The following BRAT1 variants were observed in gnomAD, a reference collection of about 807,000 sequenced individuals.
The protein encoded by BRAT1 is BRCA1 associated ATM activator 1.
Under a neutral mutation model 70.6 loss-of-function variants are expected in BRAT1, and 74 were observed. The ratio of observed to expected loss-of-function variants is 1.05; its 90% CI spans 0.87 to 1.27. BRAT1 has a LOEUF of 1.27. Among genes scored for constraint, BRAT1 ranks in the 50% most tolerant of loss-of-function variants. The probability of loss-of-function intolerance (pLI) is 0.00; values close to 1 mark genes in which losing one functional copy is unlikely to be tolerated. For missense variants in BRAT1, 1,203 were observed against 1,098.2 expected (o/e 1.10, Z -1.35); for synonymous variants, 615 against 517.1 (o/e 1.19, Z -2.57).
intron 2 of BRAT1, among the ~76,000 whole-genome samples, chr7:2,552,669 A>G (rs1049238188): frequency 1.3e-5 from 2 of 152,160 alleles, no homozygotes; most frequent in Non-Finnish European, 2.9e-5. Context: ...GTCTATCCCA[A>G]TGCAATTATC....
At chr7:2,548,005 A>C (rs61349813) in intron 2 of BRAT1, among the ~76,000 whole-genome samples, 23,409 of 150,248 alleles carry the variant, frequency 0.16, 1,981 homozygotes, top group African/African-American at 0.22. Flanking sequence ...AATCGCTTGA[A>C]CCTGGGAGGC....
chr7:2,538,426 G>A lies in BRAT1; in HGVS notation c.2109C>T (p.Phe703=), dbSNP rs745775567. The A allele has an allele frequency of 9.9e-6, 16 of 1,613,406 alleles. No homozygotes were observed. Among genetic ancestry groups the A allele is most frequent in the Admixed American group, 1.7e-5 (1 of 60,032 alleles). The change falls in exon 14 of 14, where the codon TTC becomes TTT. Residue 703 remains phenylalanine, a synonymous_variant. Transcript: ENST00000340611. ...RALCHVGLFD[F]AFCALFDCDR... is the part of the protein sequence containing the mutation. Reference sequence around the variant, plus strand: ...CGCAGTCAAACAAGGCACAAAAGGCGAAGTCAAAGAGCCCCACGTGGCAGA... The same window carrying A: ...CGCAGTCAAACAAGGCACAAAAGGCAAAGTCAAAGAGCCCCACGTGGCAGA...
intron 2 of BRAT1, among the ~76,000 whole-genome samples, chr7:2,551,798 C>T (rs751264755): frequency 1.3e-5 from 2 of 151,308 alleles, no homozygotes. Flanking sequence ...TGAGAAAACT[C>T]GCCTGGGTCC....
chr7:2,539,032 C>CA, intron 13 of BRAT1, 147 bp downstream of exon 13: 1 of 1,443,034 alleles, frequency 6.9e-7, no homozygotes. Context: ...AGCACAGCCC[C>CA]AGGGCCTCGG....
rs147978414 is a variant in BRAT1 at position 2,541,322 on chromosome 7, G to C, written c.1297C>G (p.Leu433Val). 118 of 1,597,858 alleles carry C rather than the reference G, an allele frequency of 7.4e-5. No homozygotes were observed. The highest frequency in any genetic ancestry group is 9.3e-5 in the Non-Finnish European group (109 of 1,176,004). Reference protein sequence around the residue: ...VRVQRAALDFLGTLSQGTGPQ... With the variant: ...VRVQRAALDFVGTLSQGTGPQ... ...CCTGTCCCCTGTGACAGCGTCCCCA[G>C]GAAGTCGAGGGCTGCTCGCTGGACC... is the stretch of plus-strand genomic sequence containing the variant. The change falls in exon 9 of 14, where the codon CTG (leucine) becomes GTG (valine). Residue 433 changes from leucine to valine, a missense_variant. Physicochemically the swap from Leu to Val is conservative, Grantham distance 32. Coordinates refer to ENST00000340611, the MANE Select transcript of BRAT1 (RefSeq NM_152743.4).
chr7:2,545,499 T>C (rs199875927), intron 3 of BRAT1, among the ~76,000 whole-genome samples: 3 of 136,868 alleles, frequency 2.2e-5, no homozygotes, highest in Admixed American at 7.3e-5. Flanking sequence ...TCTTCTTCTT[T>C]TTTTTTTTTT....
chr7:2,538,812 G>C (rs1434115935), intron 13 of BRAT1, 48 bp from the exon 14 acceptor site: 1 of 1,591,488 alleles, frequency 6.3e-7, no homozygotes, highest in African/African-American at 1.3e-5. Context: ...TGGCAGGAGC[G>C]AGGCTCCCGC....
chr7:2,539,845 C>G lies in BRAT1; in HGVS notation c.1439G>C (p.Ser480Thr). Residue 480 changes from serine (S) to threonine (T), a missense_variant, in exon 11 of 14, where the codon AGC (serine) becomes ACC (threonine). Physicochemically the swap from Ser to Thr is moderately conservative, Grantham distance 58. Coordinates refer to ENST00000340611, the MANE Select transcript of BRAT1 (RefSeq NM_152743.4). ...AGAGCAGCCGGGGGTCTTGGGTGAG[C>G]TCAGGAGCCACCTGAGCGTGGCCTG... ...AFQATLRWLL[S>T]SPKTPGCSDL... is the part of the protein sequence containing the mutation. 1 of 1,603,852 alleles carries G rather than the reference C, an allele frequency of 6.2e-7. No individual in the cohort carries two copies. Among genetic ancestry groups the G allele is most frequent in the South Asian group, 1.1e-5 (1 of 89,366 alleles).
intron 13 of BRAT1, 194 bp from the exon 14 acceptor site, chr7:2,538,958 G>A (rs1043590912): frequency 3.1e-5 from 45 of 1,446,676 alleles, no homozygotes; most frequent in Middle Eastern, 4.7e-4. Context: ...TCAAATGGAG[G>A]TAACCATGTC....
rs1164958334 is a variant in BRAT1, at chr7:2,543,478, C to T, written c.803+112G>A. On this transcript the variant is annotated intron_variant, in intron 5 of 13. Coordinates refer to ENST00000340611, the MANE Select transcript of BRAT1 (RefSeq NM_152743.4). This position sits in a 1 kb window ranked among gnomAD's most constrained non-coding sequence, Gnocchi z 5.5. The stretch of plus-strand genomic sequence containing the variant: ...CCAGGGTCACCCCGGTGCCGCTTCA[C>T]TGCAGGCCATGTCCTCAGAGAGTCT... The T allele has an allele frequency of 2.5e-5, 37 of 1,482,030 alleles. No homozygotes were observed. Among genetic ancestry groups the T allele is most frequent in the African/African-American group, 4.2e-5 (3 of 70,948 alleles). The allele number at this position is 1,482,030 out of a possible 1,614,324, so 91.8% of individuals were successfully genotyped here. A position where few individuals can be genotyped will look rare whatever the true frequency, so the allele number is the denominator to read the frequency against.
chr7:2,540,096 G>A, intron 10 of BRAT1: 1 of 509,102 alleles, frequency 2.0e-6, no homozygotes, highest in Non-Finnish European at 3.4e-6. Context: ...ACAGTTCACT[G>A]CAGCCTCCAC....
In BRAT1 at chr7:2,543,823, G is replaced by T; in HGVS notation, c.570C>A (p.Asp190Glu). The T allele has an allele frequency of 6.2e-7, 1 of 1,612,982 alleles. No individual in the cohort carries two copies. The highest frequency in any genetic ancestry group is 8.5e-7 in the Non-Finnish European group (1 of 1,179,918). ...TGATCTTCTGGGCACACGCGGGCCAGTCACCCCCCGGCAGGCAGGGCTGCC... is the reference window on the plus strand; with the variant it reads ...TGATCTTCTGGGCACACGCGGGCCATTCACCCCCCGGCAGGCAGGGCTGCC... Reference protein sequence around the residue: ...AEGQPCLPGGDWPACAQKIMD... With the variant: ...AEGQPCLPGGEWPACAQKIMD... The change falls in exon 5 of 14, where the codon GAC (aspartate) becomes GAA (glutamate). Residue 190 changes from aspartate (D) to glutamate (E), a missense_variant. Transcript: ENST00000340611. The surrounding 1 kb of genome is among the most constrained non-coding windows in gnomAD (Gnocchi z 5.5).
chr7:2,538,516 G>T lies in BRAT1; in HGVS notation c.2019C>A (p.Cys673Ter). Reference protein sequence around the residue: ...GQTLGPPRTHCPYAVALPEVA... With the variant: ...GQTLGPPRTH ...CCTCGGGTAGGGCCACGGCATAGGG[G>T]CAGTGGGTACGCGGCGGCCCCAAAG... The change falls in exon 14 of 14, where the codon TGC (cysteine) becomes TGA (stop). Residue 673 changes from cysteine (C) to a stop codon, truncating the protein, a stop_gained. Transcript: ENST00000340611. LOFTEE classifies it low-confidence loss of function (END_TRUNC). The T allele has an allele frequency of 6.2e-7, 1 of 1,609,630 alleles. No homozygotes were observed. The highest frequency in any genetic ancestry group is 8.5e-7 in the Non-Finnish European group (1 of 1,179,648).
intron 2 of BRAT1, among the ~76,000 whole-genome samples, chr7:2,551,099 G>A (rs146215608): frequency 0.032 from 4,884 of 152,078 alleles, 287 homozygotes; most frequent in African/African-American, 0.11. Flanking sequence ...AATTGGCCGG[G>A]CATGGTGGCA....
At position 2,539,608 on chromosome 7, in the gene BRAT1, G is replaced by A. The variant is rs1284958026; in HGVS notation, c.1533C>T (p.His511=). ...CGGAGTCCCTCACCTCCCAGCAGGGGTGGCACAGGCGTTTCTGCAGCACAG... is the reference window on the plus strand; with the variant it reads ...CGGAGTCCCTCACCTCCCAGCAGGGATGGCACAGGCGTTTCTGCAGCACAG... ...LFPVLQKRLC[H]PCWEVRDSAL... Residue 511 remains histidine (H), a synonymous_variant, in exon 12 of 14, where the codon CAC becomes CAT. Transcript: ENST00000340611. 3.1e-6 allele frequency: 5 copies of A among 1,593,836 alleles called. No individual in the cohort carries two copies. The South Asian group carries it at 3.4e-5, about 11-fold the overall frequency.
chr7:2,550,902 G>C (rs1183961431), intron 2 of BRAT1, among the ~76,000 whole-genome samples: 1 of 152,144 alleles, frequency 6.6e-6, no homozygotes, highest in Admixed American at 6.5e-5. Context: ...CATCATACCA[G>C]GGTTCCATGG....
chr7:2,545,296 G>A (rs1177275426), intron 3 of BRAT1, among the ~76,000 whole-genome samples: 2 of 142,080 alleles, frequency 1.4e-5, no homozygotes, highest in Admixed American at 7.5e-5. Context: ...CCCGGGAGGC[G>A]AAGGTTGCAG....
At position 2,543,033 on chromosome 7, in the gene BRAT1, C is replaced by G; in HGVS notation, c.923+171G>C. On this transcript the variant is annotated intron_variant, in intron 6 of 13. Transcript: ENST00000340611. This position sits in a 1 kb window ranked among gnomAD's most constrained non-coding sequence, Gnocchi z 5.5. ...AAACAATTATTCTGTTGCTAAAGAA[C>G]CTTCAGAAGCTGCCGCGCGCAACCC... 1 of 706,526 alleles carries G rather than the reference C, an allele frequency of 1.4e-6. No homozygotes were observed. Among genetic ancestry groups the G allele is most frequent in the Non-Finnish European group, 2.2e-6 (1 of 451,064 alleles). The allele number at this position is 706,526 out of a possible 1,614,324, so 43.8% of individuals were successfully genotyped here.
chr7:2,541,356 GCCCGCCAGGGT>G lies in BRAT1; in HGVS notation c.1252_1262del (p.Thr418LeufsTer68). 6.2e-7 allele frequency: 1 copy of G among 1,606,182 alleles called. No homozygotes were observed. The highest frequency in any genetic ancestry group is 1.1e-5 in the South Asian group (1 of 90,942). On this transcript the variant is annotated frameshift_variant, in exon 9 of 14. Coordinates refer to ENST00000340611, the MANE Select transcript of BRAT1 (RefSeq NM_152743.4). LOFTEE classifies it high-confidence loss of function. ...GGGCTGCTCGCTGGACCCGGACGCA[GCCCGCCAGGGT>G]CCCACAGAGGTGGCCCCCCACACTG...
Sources: allele counts gnomAD v4.1 joint callset (sites outside exome capture counted in the v4.1 genomes callset), GRCh38; gene constraint gnomAD v4.1.1; non-coding constraint Gnocchi (gnomAD v3.1); transcripts MANE v1.5; gene names NCBI Gene and HGNC (gene_info 2026-07-23, HGNC 2026-07-21).